Variants in LIPA observed in about 807,000 individuals in gnomAD.
LIPA encodes lysosomal acid lipase/cholesteryl ester hydrolase.
A neutral mutation model predicts 40.6 loss-of-function variants in LIPA; 26 were observed. The observed-to-expected ratio is 0.64, with a 90% CI of 0.47 to 0.89. The LOEUF (loss-of-function observed/expected upper bound fraction) is 0.89. Ranked by LOEUF, LIPA falls within the 40% of genes least tolerant of loss-of-function variation. The pLI is 0.00. For missense variants in LIPA, 455 were observed against 479.6 expected (o/e 0.95, Z 0.48); for synonymous variants, 188 against 168.4 (o/e 1.12, Z -0.90).
At chr10:89,298,706 C>T (rs1426299190) in intron 1 of LIPA, among the ~76,000 whole-genome samples, 1 of 152,154 alleles carries the variant, frequency 6.6e-6, no homozygotes, top group Non-Finnish European at 1.5e-5. Context: ...CAAAATTATA[C>T]TAAGCACAGT....
chr10:89,362,918 C>A (rs1339529519), intron 2 of LIPA: 2 of 272,080 alleles, frequency 7.4e-6, no homozygotes, highest in Non-Finnish European at 1.4e-5. Flanking sequence ...CTCTGCACCC[C>A]CTAAAATGGG....
chr10:89,224,437 T>C (rs1435121280), intron 6 of LIPA, among the ~76,000 whole-genome samples: 1 of 152,258 alleles, frequency 6.6e-6, no homozygotes, highest in Non-Finnish European at 1.5e-5. Flanking sequence ...ATGAGAGACG[T>C]TATACCTCAT....
chr10:89,277,675 T>C (rs111773797), intron 1 of LIPA, among the ~76,000 whole-genome samples: 1,667 of 152,296 alleles, frequency 0.011, 23 homozygotes, highest in African/African-American at 0.033. Flanking sequence ...TATTGGCAAT[T>C]ATCTCTATAT....
At chr10:89,267,122 T>C (rs1843240560) in intron 1 of LIPA, among the ~76,000 whole-genome samples, 1 of 152,234 alleles carries the variant, frequency 6.6e-6, no homozygotes, top group Admixed American at 6.5e-5. Flanking sequence ...TCCAAAATAC[T>C]CAGTGTCAGC....
At position 89,245,726 on chromosome 10, in the gene LIPA, A is replaced by G. The variant is rs746654670; in HGVS notation, c.179T>C (p.Ile60Thr). The change falls in exon 3 of 10, where the codon ATT becomes ACT. Residue 60 changes from isoleucine to threonine, a missense_variant. By Grantham distance (89) the Ile-to-Thr change is moderately conservative (BLOSUM62 -1). Transcript: ENST00000336233. ...ATGAGGAATTCGGTTAAGGCACAGA[A>G]TATATCCATCTTCTGTCTCAACTAG... ...EYLVETEDGY[I>T]LCLNRIPHGR... is the part of the protein sequence containing the mutation. The G allele has an allele frequency of 6.2e-7, 1 of 1,606,434 alleles. No homozygotes were observed. Among genetic ancestry groups the G allele is most frequent in the Non-Finnish European group, 8.5e-7 (1 of 1,173,014 alleles).
chr10:89,226,818 A>G (rs754993409), intron 5 of LIPA, 77 bp downstream of exon 5: 18 of 849,446 alleles, frequency 2.1e-5, no homozygotes, highest in Non-Finnish European at 3.0e-5. Context: ...ACATCTTTTT[A>G]TATTTCACTT....
In LIPA at chr10:89,392,475, C is replaced by CG. The variant is rs1025507830; in HGVS notation, c.61+20315_61+20316insC. 11 of 242,338 alleles carry CG rather than the reference C, an allele frequency of 4.5e-5. 1 individual carries two copies. The highest frequency in any genetic ancestry group is 3.2e-4 in the South Asian group (3 of 9,264). The allele number at this position is 242,338 out of a possible 1,614,324, so 15.0% of individuals were successfully genotyped here. On this transcript the variant is annotated intron_variant, in intron 2 of 8. Transcript: ENST00000371837. Reference sequence around the variant, plus strand: ...AGAAACAAAGTTTCATTCCCCACCCCCCCCCGTCAGCAGGAATTCCGCTAG... The same window carrying CG: ...AGAAACAAAGTTTCATTCCCCACCCCGCCCCCGTCAGCAGGAATTCCGCTAG...
rs538760171 is a variant in LIPA, at chr10:89,398,359, C to A, written c.61+14432G>T. On this transcript the variant is annotated intron_variant, in intron 2 of 8. Coordinates refer to the LIPA transcript ENST00000371837. ...GGGAACAATAAATGTTAATTCCCTA[C>A]AGGTTGTGTTGGCTCCAGGTTTTCG... Among the ~76,000 whole-genome samples, 3 of 152,308 alleles carry A rather than the reference C, an allele frequency of 2.0e-5. No individual in the cohort carries two copies. The South Asian group carries it at 6.2e-4, about 32-fold the overall frequency.
intron 1 of LIPA, chr10:89,306,859 A>G (rs1843484006): frequency 1.2e-6 from 2 of 1,614,012 alleles, no homozygotes; most frequent in Admixed American, 1.7e-5. Flanking sequence ...TAATGAATCT[A>G]AGAGAGAATG....
At chr10:89,412,952 C>G (rs1482311546) in intron 1 of LIPA, 1 of 231,384 alleles carries the variant, frequency 4.3e-6, no homozygotes, top group African/African-American at 2.3e-5. Flanking sequence ...GACACACCAT[C>G]ACCTACGTAT....
intron 1 of LIPA, among the ~76,000 whole-genome samples, chr10:89,264,631 C>T (rs1046765636): frequency 5.3e-5 from 8 of 152,324 alleles, no homozygotes; most frequent in Admixed American, 1.3e-4. Context: ...AGCTCCTATC[C>T]GTAGGCAGGT....
intron 1 of LIPA, chr10:89,339,785 C>T: frequency 1.9e-6 from 3 of 1,614,166 alleles, no homozygotes; most frequent in Non-Finnish European, 2.5e-6. Context: ...TCTGAAGACA[C>T]TGCTGTGCAA....
chr10:89,250,910 C>A (rs1564767754), intron 1 of LIPA, among the ~76,000 whole-genome samples: 3 of 152,302 alleles, frequency 2.0e-5, no homozygotes, highest in East Asian at 3.9e-4. Context: ...GTATTAACAC[C>A]TTTATCTCAG....
chr10:89,307,054 T>A (rs745779294), intron 1 of LIPA: 4 of 1,613,922 alleles, frequency 2.5e-6, no homozygotes, highest in Non-Finnish European at 3.4e-6. Context: ...AAGAGCTTAC[T>A]CCTGTAGCGA....
chr10:89,324,578 A>C (rs1843589355), intron 1 of LIPA, among the ~76,000 whole-genome samples: 1 of 152,222 alleles, frequency 6.6e-6, no homozygotes, highest in Admixed American at 6.5e-5. Flanking sequence ...CAGAGTAAAC[A>C]AGCAACTGAC....
intron 2 of LIPA, among the ~76,000 whole-genome samples, chr10:89,386,745 A>T (rs1844212653): frequency 6.6e-6 from 1 of 152,240 alleles, no homozygotes; most frequent in African/African-American, 2.4e-5. Flanking sequence ...GTAACAAGAG[A>T]TTTACAGTCC....
At chr10:89,304,821 G>A (rs1468778280) in intron 1 of LIPA, among the ~76,000 whole-genome samples, 1 of 151,310 alleles carries the variant, frequency 6.6e-6, no homozygotes, top group African/African-American at 2.4e-5. Context: ...TTTATTTTGA[G>A]GACCAACACT....
chr10:89,402,264 T>G, intron 2 of LIPA: 2 of 1,530,164 alleles, frequency 1.3e-6, no homozygotes, highest in Non-Finnish European at 1.8e-6. Context: ...AAAGAAAATC[T>G]GTTTTTGTTT....
At chr10:89,361,861 C>A (rs1161344554) in intron 2 of LIPA, among the ~76,000 whole-genome samples, 3 of 149,662 alleles carry the variant, frequency 2.0e-5, no homozygotes, top group Non-Finnish European at 3.0e-5. Flanking sequence ...ATCCACCCCC[C>A]ACCCTCCACC....
Sources: gnomAD v4.1 joint callset for allele counts (sites outside exome capture counted in the v4.1 genomes callset) on GRCh38, gnomAD v4.1.1 for gene constraint, MANE v1.5 for transcripts, NCBI Gene and HGNC (gene_info 2026-07-23, HGNC 2026-07-21) for gene names.